MARCHF2: variants seen among roughly 807,000 people sequenced by gnomAD.
MARCHF2 encodes E3 ubiquitin-protein ligase MARCHF2.
Under a neutral mutation model 24.0 loss-of-function variants are expected in MARCHF2, and 22 were observed. The ratio of observed to expected loss-of-function variants is 0.92; its 90% confidence interval spans 0.66 to 1.31. The LOEUF is 1.31. Ranked by LOEUF, MARCHF2 falls within the 50% of genes most tolerant of loss-of-function variation. MARCHF2 has a pLI of 0.00. For synonymous variants in MARCHF2, 154 were observed against 153.0 expected (o/e 1.01, Z -0.05); for missense variants, 301 against 335.3 (o/e 0.90, Z 0.80).
chr19:8,433,675 C>CAAAAAAAAAA (rs143853447), intron 4 of MARCHF2, among the ~76,000 whole-genome samples: 6 of 90,686 alleles, frequency 6.6e-5, no homozygotes, highest in Admixed American at 1.3e-4. Context: ...GACTCCGTCT[C>CAAAAAAAAAA]AAAAAAAAAA....
chr19:8,413,445 C>G (rs2145523899), intron 1 of MARCHF2, 25 bp downstream of exon 1: 1 of 152,036 alleles, frequency 6.6e-6, no homozygotes, highest in African/African-American at 2.4e-5. Context: ...GCAGGTAGGG[C>G]CGGAGGACGC....
In MARCHF2 at chr19:8,428,649, C is replaced by CAAAAAAAAAAAA. The variant is rs59542078; in HGVS notation, c.372+1868_372+1879dup. On this transcript the variant is annotated intron_variant, in intron 3 of 4. Transcript: ENST00000215555. ...TGGGCAACAGATTGAGACTCTATCT[C>CAAAAAAAAAAAA]AAAAAAAAAAAAAAAAAAAAAAAAA... 4.9e-4 allele frequency among the ~76,000 whole-genome samples: 15 copies of CAAAAAAAAAAAA among 30,646 alleles called. 1 individual carries two copies. The highest frequency in any genetic ancestry group is 6.6e-4 in the African/African-American group (5 of 7,608). 20.1% of individuals were successfully genotyped at this position (30,646 alleles called of 152,430 possible). A position where few individuals can be genotyped will look rare whatever the true frequency, so the allele number is the denominator to read the frequency against.
At chr19:8,417,228 G>A (rs956640954) in intron 1 of MARCHF2, among the ~76,000 whole-genome samples, 2 of 152,092 alleles carry the variant, frequency 1.3e-5, no homozygotes, top group African/African-American at 2.4e-5. Flanking sequence ...CAGATCACTT[G>A]AGATCAGCAG....
rs186368026 is a variant in MARCHF2, at chr19:8,430,428, C to T, written c.373-230C>T. ...CGCTTGCCTGTAATCCCAGCTACTC[C>T]GGTGGCTGAGACAGGAGAATTGCTT... On this transcript the variant is annotated intron_variant, in intron 3 of 4. Transcript: ENST00000215555. This position sits in a 1 kb window ranked among gnomAD's most constrained non-coding sequence, Gnocchi z 4.4. 4.2e-4 allele frequency among the ~76,000 whole-genome samples: 63 copies of T among 151,512 alleles called. No individual in the cohort carries two copies. Among genetic ancestry groups the T allele is most frequent in the African/African-American group, 1.4e-3 (57 of 41,300 alleles).
intron 4 of MARCHF2, among the ~76,000 whole-genome samples, chr19:8,434,784 G>A (rs957213862): frequency 1.3e-5 from 2 of 152,054 alleles, no homozygotes; most frequent in Admixed American, 1.3e-4. Flanking sequence ...TCAGTTTACT[G>A]CAACTTCCGC....
At chr19:8,438,041 C>G in intron 4 of MARCHF2, among the ~76,000 whole-genome samples, 1 of 152,114 alleles carries the variant, frequency 6.6e-6, no homozygotes, top group Non-Finnish European at 1.5e-5. Context: ...ACTGGGATTA[C>G]AGGTGTGAGC....
At chr19:8,433,372 G>A (rs1401194385) in intron 4 of MARCHF2, among the ~76,000 whole-genome samples, 4 of 151,352 alleles carry the variant, frequency 2.6e-5, no homozygotes, top group South Asian at 4.2e-4. Context: ...GTGAAACCCC[G>A]TTTCTACTAA....
chr19:8,432,490 A>G lies in MARCHF2; in HGVS notation c.582+1623A>G, dbSNP rs538115102. ...GGCAACTTAGGGAGACCCCATCTCTACAAAAGGAAAATAATTAGCTGGGCA... is the reference window on the plus strand; with the variant it reads ...GGCAACTTAGGGAGACCCCATCTCTGCAAAAGGAAAATAATTAGCTGGGCA... On this transcript the variant is annotated intron_variant, in intron 4 of 4. Coordinates refer to ENST00000215555, the MANE Select transcript of MARCHF2 (RefSeq NM_001005415.2). Among the ~76,000 whole-genome samples, 194 of 152,250 alleles carry G rather than the reference A, an allele frequency of 1.3e-3. 1 individual carries two copies. Among genetic ancestry groups the G allele is most frequent in the Non-Finnish European group, 2.6e-3 (174 of 68,010 alleles).
chr19:8,423,901 CTG>C (rs1189027654), intron 2 of MARCHF2, among the ~76,000 whole-genome samples: 3 of 147,902 alleles, frequency 2.0e-5, no homozygotes, highest in Non-Finnish European at 4.4e-5. Context: ...ACTCGGGAGA[CTG>C]AGGCAGGAGG....
At chr19:8,432,148 A>G (rs190667724) in intron 4 of MARCHF2, among the ~76,000 whole-genome samples, 5 of 152,236 alleles carry the variant, frequency 3.3e-5, no homozygotes, top group Admixed American at 6.6e-5. Flanking sequence ...ACAGAGTGAG[A>G]TTCTGTCTTT....
At chr19:8,424,562 G>T (rs1967345004) in intron 2 of MARCHF2, among the ~76,000 whole-genome samples, 1 of 152,032 alleles carries the variant, frequency 6.6e-6, no homozygotes, top group African/African-American at 2.4e-5. Context: ...AGCTACTCTG[G>T]AGGCTGAGGC....
chr19:8,432,427 G>A (rs964903770), intron 4 of MARCHF2, among the ~76,000 whole-genome samples: 4 of 152,142 alleles, frequency 2.6e-5, no homozygotes, highest in Admixed American at 2.0e-4. Flanking sequence ...AGGCCAAGGT[G>A]GGAAGATCTC....
intron 2 of MARCHF2, among the ~76,000 whole-genome samples, chr19:8,425,950 G>C (rs150562358): frequency 0.04 from 6,045 of 151,818 alleles, 160 homozygotes; most frequent in Middle Eastern, 0.1. Flanking sequence ...ATTGGGGGCC[G>C]GGTGCGGTGG....
intron 1 of MARCHF2, among the ~76,000 whole-genome samples, chr19:8,417,056 T>C (rs1967103233): frequency 3.9e-5 from 6 of 151,946 alleles, no homozygotes. Context: ...GAGATTTACC[T>C]GTGGTTTTTT....
At position 8,430,670 on chromosome 19, in the gene MARCHF2, C is replaced by T; in HGVS notation, c.385C>T (p.Pro129Ser). Residue 129 changes from proline to serine, a missense_variant, in exon 4 of 5, where the codon CCG becomes TCG. Physicochemically the swap from Pro to Ser is moderately conservative, Grantham distance 74. Transcript: ENST00000215555. The surrounding 1 kb of genome is among the most constrained non-coding windows in gnomAD (Gnocchi z 4.4). Reference sequence around the variant, plus strand: ...CTCTCCCCTGCAGTGGCTGAAGGACCCGGGGCCGCGGACGGAGAAGCGGAC... The same window carrying T: ...CTCTCCCCTGCAGTGGCTGAAGGACTCGGGGCCGCGGACGGAGAAGCGGAC... ...PRPLTEWLKD[P>S]GPRTEKRTLC... 6.2e-7 allele frequency: 1 copy of T among 1,608,466 alleles called. No homozygotes were observed. The highest frequency in any genetic ancestry group is 8.5e-7 in the Non-Finnish European group (1 of 1,179,852).
intron 4 of MARCHF2, among the ~76,000 whole-genome samples, chr19:8,436,092 T>C (rs1967712762): frequency 6.6e-6 from 1 of 151,962 alleles, no homozygotes; most frequent in African/African-American, 2.4e-5. Context: ...ACTCTTGCTG[T>C]TGGACATTTA....
rs1438287205 is a variant in MARCHF2 at position 8,413,337 on chromosome 19, G to T, written c.-136G>T. 6.6e-6 allele frequency: 1 copy of T among 151,776 alleles called. No homozygotes were observed. The highest frequency in any genetic ancestry group is 1.5e-5 in the Non-Finnish European group (1 of 67,950). The allele number at this position is 151,776 out of a possible 1,614,324, so 9.4% of individuals were successfully genotyped here. On this transcript the variant is annotated 5_prime_UTR_variant, in exon 1 of 5. Transcript: ENST00000215555. ...GGTGCCGGCCGGAGCGGAGCTAGTG[G>T]CGCCGACGGGCCGGGCCGGGCCGGG...
chr19:8,421,517 G>A (rs1406010757), intron 1 of MARCHF2, among the ~76,000 whole-genome samples: 3 of 151,206 alleles, frequency 2.0e-5, no homozygotes, highest in South Asian at 4.2e-4. Context: ...GTCAGCCACC[G>A]CGCCTGGCCA....
chr19:8,424,957 G>T (rs935984491), intron 2 of MARCHF2, among the ~76,000 whole-genome samples: 1 of 152,106 alleles, frequency 6.6e-6, no homozygotes, highest in Non-Finnish European at 1.5e-5. Context: ...GTCCAAGCTG[G>T]AGTATAGTGG....
Sources: allele counts gnomAD v4.1 joint callset (sites outside exome capture counted in the v4.1 genomes callset), GRCh38; gene constraint gnomAD v4.1.1; non-coding constraint Gnocchi (gnomAD v3.1); transcripts MANE v1.5; gene names NCBI Gene and HGNC (gene_info 2026-07-23, HGNC 2026-07-21).